Variants in MSRB3 observed in about 807,000 individuals in gnomAD.
The protein encoded by MSRB3 is methionine-R-sulfoxide reductase B3.
A neutral mutation model predicts 21.0 loss-of-function variants in MSRB3; 13 were observed. That is an observed-to-expected ratio of 0.62 (90% CI 0.40 to 0.98). MSRB3 has a LOEUF of 0.98. Ranked by LOEUF, MSRB3 falls within the 50% of genes least tolerant of loss-of-function variation. The pLI is 0.00. For synonymous variants in MSRB3, 87 were observed against 88.6 expected (o/e 0.98, Z 0.10); for missense variants, 199 against 230.3 (o/e 0.86, Z 0.88).
chr12:65,423,512 A>T (rs1351107201), intron 5 of MSRB3, among the ~76,000 whole-genome samples: 2 of 152,190 alleles, frequency 1.3e-5, no homozygotes, highest in Non-Finnish European at 2.9e-5. Flanking sequence ...GTTGAGGCAC[A>T]TTCCTACTAT....
At chr12:65,377,025 C>G (rs1278993627) in intron 5 of MSRB3, among the ~76,000 whole-genome samples, 1 of 152,166 alleles carries the variant, frequency 6.6e-6, no homozygotes, top group Non-Finnish European at 1.5e-5. Flanking sequence ...CACTTAAGAT[C>G]GTCCCCCGAC....
At chr12:65,340,765 GA>G (rs920733880) in intron 4 of MSRB3, among the ~76,000 whole-genome samples, 1 of 151,718 alleles carries the variant, frequency 6.6e-6, no homozygotes, top group Non-Finnish European at 1.5e-5. Context: ...CACAGAGATG[GA>G]AAAAACTATT....
chr12:65,289,925 A>G (rs1008568092), intron 1 of MSRB3, among the ~76,000 whole-genome samples: 6 of 152,168 alleles, frequency 3.9e-5, no homozygotes. Context: ...TGTTTTCTTT[A>G]TCCCCCACAA....
rs530690005 is a variant in MSRB3 at position 65,340,666 on chromosome 12, A to T, written c.263+12063A>T. On this transcript the variant is annotated intron_variant, in intron 4 of 6. Coordinates refer to ENST00000308259, the MANE Select transcript of MSRB3 (RefSeq NM_001031679.3). ...GAGGTTGATCTTTGAAAAGACCAAT[A>T]AAGTTGACCATTTCTGTCAAGTGTA... Among the ~76,000 whole-genome samples the T allele has an allele frequency of 2.0e-5, 3 of 152,300 alleles. No individual in the cohort carries two copies. The South Asian group carries it at 6.2e-4, about 32-fold the overall frequency.
At chr12:65,431,615 T>C (rs1196367882) in intron 5 of MSRB3, among the ~76,000 whole-genome samples, 2 of 152,024 alleles carry the variant, frequency 1.3e-5, no homozygotes, top group Admixed American at 6.6e-5. Context: ...AAAGTTCTTT[T>C]TGAAGGAGGT....
chr12:65,351,209 A>T (rs1388200573), intron 4 of MSRB3, among the ~76,000 whole-genome samples: 1 of 151,770 alleles, frequency 6.6e-6, no homozygotes, highest in Non-Finnish European at 1.5e-5. Flanking sequence ...CTCCTGAATG[A>T]CTACTGGATA....
At chr12:65,326,799 C>A in intron 2 of MSRB3, 27 bp from the exon 3 acceptor site, 1 of 1,581,296 alleles carries the variant, frequency 6.3e-7, no homozygotes, top group African/African-American at 1.3e-5. Context: ...AAAAAGGCTT[C>A]TTCTCCCATA....
At chr12:65,454,066 T>A in intron 6 of MSRB3, 1 of 635,222 alleles carries the variant, frequency 1.6e-6, no homozygotes, top group East Asian at 2.7e-5. Flanking sequence ...GGAGGATCAC[T>A]TGAGGCCAGA....
intron 5 of MSRB3, chr12:65,418,921 G>A (rs1367904518): frequency 2.8e-6 from 2 of 719,188 alleles, no homozygotes; most frequent in African/African-American, 3.5e-5. Flanking sequence ...GTTCAGCAGG[G>A]CCTCCTACTC....
At chr12:65,455,005 G>T (rs1157971575) in intron 6 of MSRB3, among the ~76,000 whole-genome samples, 1 of 152,192 alleles carries the variant, frequency 6.6e-6, no homozygotes, top group Non-Finnish European at 1.5e-5. Context: ...GACACCACAG[G>T]GTATTTTGTT....
chr12:65,421,999 C>A (rs553794853), intron 5 of MSRB3, among the ~76,000 whole-genome samples: 15 of 151,960 alleles, frequency 9.9e-5, no homozygotes, highest in Non-Finnish European at 1.8e-4. Flanking sequence ...TAACATGCAA[C>A]GACATGCATA....
At chr12:65,328,474 T>G (rs1592529437) in intron 3 of MSRB3, 52 bp from the exon 4 acceptor site, 3 of 1,273,014 alleles carry the variant, frequency 2.4e-6, no homozygotes, top group Non-Finnish European at 3.4e-6. Context: ...AAATACATTC[T>G]GTAAGAAATA....
At chr12:65,440,908 A>G (rs752317916) in intron 5 of MSRB3, among the ~76,000 whole-genome samples, 20 of 151,972 alleles carry the variant, frequency 1.3e-4, no homozygotes, top group Admixed American at 7.9e-4. Flanking sequence ...CTAAGGAGCT[A>G]TATCTTTTGC....
chr12:65,427,563 C>T (rs1367574409), intron 5 of MSRB3, among the ~76,000 whole-genome samples: 2 of 152,108 alleles, frequency 1.3e-5, no homozygotes, highest in African/African-American at 2.4e-5. Context: ...TGGTGTGGCA[C>T]TAGTGTCTGA....
intron 5 of MSRB3, among the ~76,000 whole-genome samples, chr12:65,407,479 A>C (rs1016100146): frequency 1.3e-5 from 2 of 152,006 alleles, no homozygotes; most frequent in African/African-American, 4.8e-5. Flanking sequence ...TCTTTCAAAA[A>C]TTTCTCTGTC....
intron 4 of MSRB3, among the ~76,000 whole-genome samples, chr12:65,339,721 C>T (rs1462803282): frequency 6.6e-6 from 1 of 152,058 alleles, no homozygotes; most frequent in African/African-American, 2.4e-5. Context: ...CTATGTTTAG[C>T]AGCTAGCTCA....
chr12:65,420,937 G>T (rs1881260691), intron 5 of MSRB3, among the ~76,000 whole-genome samples: 1 of 152,208 alleles, frequency 6.6e-6, no homozygotes, highest in Non-Finnish European at 1.5e-5. Context: ...ACATTAGTGT[G>T]CATGTGTCTT....
At chr12:65,449,651 A>C (rs1882773544) in intron 5 of MSRB3, among the ~76,000 whole-genome samples, 1 of 152,174 alleles carries the variant, frequency 6.6e-6, no homozygotes, top group African/African-American at 2.4e-5. Flanking sequence ...AACATGTGTA[A>C]TTACCTTTCA....
chr12:65,368,909 C>T (rs1465853803), intron 4 of MSRB3, 89 bp from the exon 5 acceptor site: 5 of 637,228 alleles, frequency 7.8e-6, no homozygotes, highest in Middle Eastern at 2.6e-4. Flanking sequence ...ACTATTACCT[C>T]CCCTCCCAAC....
Sources: allele counts gnomAD v4.1 joint callset (sites outside exome capture counted in the v4.1 genomes callset), GRCh38; gene constraint gnomAD v4.1.1; transcripts MANE v1.5; gene names NCBI Gene and HGNC (gene_info 2026-07-23, HGNC 2026-07-21).